The following ZNF117 variants were observed in gnomAD, a reference collection of about 807,000 sequenced individuals.
ZNF117 encodes zinc finger protein 117.
ZNF117 carries 37 observed loss-of-function variants against 41.2 expected under a neutral mutation model. The observed-to-expected ratio is 0.90, with a 90% CI of 0.69 to 1.18. The LOEUF is 1.18. Among genes scored for constraint, ZNF117 ranks in the 50% most tolerant of loss-of-function variants. ZNF117 has a pLI of 0.00. For missense variants in ZNF117, 546 were observed against 557.5 expected (o/e 0.98, Z 0.21); for synonymous variants, 186 against 186.6 (o/e 1.00, Z 0.02).
exon 3 of ZNF117, chr7:64,974,942 G>A (rs1398741860): frequency 6.6e-6 from 1 of 151,608 alleles, no homozygotes; most frequent in East Asian, 1.9e-4. Context: ...TGCCATATAT[G>A]GCATAAATAT....
At chr7:64,986,291 G>C (rs909515266), upstream of ZNF117, among the ~76,000 whole-genome samples, 20 of 152,112 alleles carry the variant, frequency 1.3e-4, no homozygotes, top group African/African-American at 4.3e-4. Flanking sequence ...AGAAAATTTT[G>C]GGGGCTCCAA....
rs1786029826 is a variant in ZNF117 at position 64,981,405 on chromosome 7, T to C, written c.16A>G (p.Met6Val). 3.1e-6 allele frequency: 5 copies of C among 1,613,134 alleles called. No homozygotes were observed. In the East Asian group the frequency reaches 8.9e-5, roughly 29 times the overall value. The change falls in exon 2 of 3, where the codon ATG (methionine) becomes GTG (valine). Residue 6 changes from methionine to valine, a missense_variant. Transcript: ENST00000620222. ...CACTTACCTAAATGTTTAGCTACCA[T>C]CTCATGTCTCTTCATATTCCAGGGC...
chr7:64,984,845 C>T (rs1786099527), upstream of ZNF117, among the ~76,000 whole-genome samples: 1 of 152,116 alleles, frequency 6.6e-6, no homozygotes, highest in Non-Finnish European at 1.5e-5. Context: ...GGCTGGAGTG[C>T]AGTGGTGCAA....
At chr7:64,978,553 T>C in exon 3 of ZNF117, 1 of 1,613,262 alleles carries the variant, frequency 6.2e-7, no homozygotes, top group Non-Finnish European at 8.5e-7. Context: ...TTAAAAGCTT[T>C]GCCACATTCC....
exon 1 of ZNF117, chr7:64,990,373 T>C: frequency 5.6e-6 from 1 of 178,564 alleles, no homozygotes; most frequent in Non-Finnish European, 1.2e-5. Context: ...AACAGGAAGG[T>C]TTTATTTAGG....
chr7:64,986,648 G>A (rs1786141097), upstream of ZNF117, among the ~76,000 whole-genome samples: 1 of 152,064 alleles, frequency 6.6e-6, no homozygotes, highest in South Asian at 2.1e-4. Flanking sequence ...AAAATATGAG[G>A]GAGTCATGTA....
chr7:64,979,003 C>T (rs962083902), exon 3 of ZNF117: 1 of 1,613,346 alleles, frequency 6.2e-7, no homozygotes, highest in East Asian at 2.2e-5. Context: ...TAGGGTTTCT[C>T]TTCAGTATGA....
downstream of ZNF117, chr7:64,972,588 T>C (rs1785800269): frequency 1.3e-5 from 2 of 152,068 alleles, no homozygotes; most frequent in Non-Finnish European, 1.5e-5. Flanking sequence ...CTAAGAAACT[T>C]AATCCCATTA....
chr7:64,974,908 T>C (rs975345746), exon 3 of ZNF117: 14 of 151,988 alleles, frequency 9.2e-5, no homozygotes, highest in African/African-American at 3.4e-4. Flanking sequence ...GATTAATACC[T>C]ATTCATATGC....
At chr7:64,981,334 T>TC (rs1196044708) in intron 2 of ZNF117, 53 bp downstream of exon 3, 1 of 1,602,262 alleles carries the variant, frequency 6.2e-7, no homozygotes, top group East Asian at 2.2e-5. Context: ...TGTGGCCTTC[T>TC]CCTTGGCCTT....
At chr7:64,982,414 T>A (rs1354484354), upstream of ZNF117, among the ~76,000 whole-genome samples, 1 of 152,226 alleles carries the variant, frequency 6.6e-6, no homozygotes, top group African/African-American at 2.4e-5. Context: ...TATTTTTAAA[T>A]GCTATATCTG....
exon 3 of ZNF117, chr7:64,979,027 T>C (rs776473783): frequency 6.2e-7 from 1 of 1,613,106 alleles, no homozygotes; most frequent in East Asian, 2.2e-5. Context: ...CTCTTATGTC[T>C]AATAAGGTGT....
chr7:64,979,199 T>C lies in ZNF117; in HGVS notation c.372A>G (p.Leu124=), dbSNP rs746664353. ...TAGTTTGGATTCTTTTATGTTGAGT[T>C]AGGTGTGAAAGCATGCAAAATGTTT... The change falls in exon 3 of 3, where the codon CTA becomes CTG. Residue 124 remains leucine (L), a synonymous_variant. Transcript: ENST00000620222. 2.5e-5 allele frequency: 40 copies of C among 1,608,876 alleles called. No homozygotes were observed. The East Asian group carries it at 8.0e-4, about 32-fold the overall frequency.
At position 64,981,382 on chromosome 7, in the gene ZNF117, C is replaced by G. The variant is rs1305494034; in HGVS notation, c.34+5G>C. The G allele has an allele frequency of 6.2e-7, 1 of 1,613,080 alleles. No homozygotes were observed. Among genetic ancestry groups the G allele is most frequent in the Admixed American group, 1.7e-5 (1 of 59,978 alleles). On this transcript the variant is annotated splice_donor_5th_base_variant and intron_variant, in intron 2 of 2. Coordinates refer to ENST00000620222, the Ensembl canonical transcript of ZNF117. ...TGTGCCATCTGTGTATTCACTCTCA[C>G]TTACCTAAATGTTTAGCTACCATCT...
chr7:64,989,748 A>G (rs1786221262), intron 1 of ZNF117, among the ~76,000 whole-genome samples, 199 bp downstream of exon 1: 1 of 134,784 alleles, frequency 7.4e-6, no homozygotes, highest in Non-Finnish European at 1.6e-5. Flanking sequence ...CATCCATAAG[A>G]AACTTAAACA....
exon 1 of ZNF117, chr7:64,990,537 G>C (rs1786240527): frequency 8.3e-6 from 1 of 120,938 alleles, no homozygotes; most frequent in Non-Finnish European, 1.9e-5. Flanking sequence ...AACAAAGGCA[G>C]TTAATCATAC....
upstream of ZNF117, among the ~76,000 whole-genome samples, chr7:64,982,575 A>C (rs912846026): frequency 6.6e-6 from 1 of 152,178 alleles, no homozygotes; most frequent in Non-Finnish European, 1.5e-5. Flanking sequence ...TGATATTCTA[A>C]ATTTCTAAAA....
At position 64,979,510 on chromosome 7, in the gene ZNF117, GGT is replaced by G; in HGVS notation, c.59_60del (p.His20ProfsTer20). On this transcript the variant is annotated frameshift_variant, in exon 3 of 3. Coordinates refer to ENST00000620222, the Ensembl canonical transcript of ZNF117. LOFTEE classifies it high-confidence loss of function. ...TCTCTTATGTTCTGCTCTGGCCAAA[GGT>G]GTTGGGCAAAATAATAAAACATAAC... 7 of 1,511,098 alleles carry G rather than the reference GGT, an allele frequency of 4.6e-6. No homozygotes were observed. Among genetic ancestry groups the G allele is most frequent in the Non-Finnish European group, 6.2e-6 (7 of 1,129,286 alleles). 93.6% of individuals were successfully genotyped at this position (1,511,098 alleles called of 1,614,324 possible).
At chr7:64,980,323 T>C (rs904268211) in intron 2 of ZNF117, 5 of 151,994 alleles carry the variant, frequency 3.3e-5, no homozygotes, top group Non-Finnish European at 5.9e-5. Flanking sequence ...TACAAAATTT[T>C]AGGGCAACAT....
Sources: gnomAD v4.1 joint callset for allele counts (sites outside exome capture counted in the v4.1 genomes callset) on GRCh38, gnomAD v4.1.1 for gene constraint, MANE v1.5 for transcripts, NCBI Gene and HGNC (gene_info 2026-07-23, HGNC 2026-07-21) for gene names.